Variants in ZNF76 observed in about 807,000 individuals in gnomAD.
The protein encoded by ZNF76 is zinc finger protein 523.
In ZNF76, 66 loss-of-function variants were observed where a neutral mutation model predicts 66.9. The ratio of observed to expected loss-of-function variants is 0.99; its 90% CI spans 0.81 to 1.21. ZNF76 has a LOEUF of 1.21. Among genes scored for constraint, ZNF76 ranks in the 50% most tolerant of loss-of-function variants. The pLI, the probability that ZNF76 is intolerant of heterozygous loss-of-function variation, is 0.00. For missense variants in ZNF76, 729 were observed against 760.3 expected (o/e 0.96, Z 0.48); for synonymous variants, 275 against 296.1 (o/e 0.93, Z 0.73).
At position 35,292,994 on chromosome 6, in the gene ZNF76, G is replaced by A. The variant is rs745536839; in HGVS notation, c.1279G>A (p.Glu427Lys). Residue 427 changes from glutamate (E) to lysine (K), a missense_variant, in exon 11 of 14, where the codon GAA (glutamate) becomes AAA (lysine). Coordinates refer to ENST00000373953, the MANE Select transcript of ZNF76 (RefSeq NM_003427.5). This position sits in a 1 kb window ranked among gnomAD's most constrained non-coding sequence, Gnocchi z 4.7. ...AGCCCAGGTGGCGATGGTGACTGAA[G>A]AAGATGGGGCCCCCCAGGTGGCTCT... is the stretch of plus-strand genomic sequence containing the variant. Reference protein sequence around the residue: ...IPAQVAMVTEEDGAPQVALIT... With the variant: ...IPAQVAMVTEKDGAPQVALIT... 1 of 1,614,184 alleles carries A rather than the reference G, an allele frequency of 6.2e-7. No homozygotes were observed.
At position 35,291,745 on chromosome 6, in the gene ZNF76, A is replaced by G. The variant is rs757199558; in HGVS notation, c.931+8A>G. 8.1e-6 allele frequency: 13 copies of G among 1,604,510 alleles called. No homozygotes were observed. In the African/African-American group the frequency reaches 1.3e-4, roughly 16 times the overall value. ...ACGTGCGCATCCACACAGGTGGGCT[A>G]GCTGGCATGCGAGGACTACCCTCAC... On this transcript the variant is annotated splice_region_variant and intron_variant, in intron 9 of 13. Transcript: ENST00000373953.
At chr6:35,267,154 G>A (rs1419562901) in intron 1 of ZNF76, among the ~76,000 whole-genome samples, 1 of 151,958 alleles carries the variant, frequency 6.6e-6, no homozygotes, top group Non-Finnish European at 1.5e-5. Flanking sequence ...GAGTGCAGTG[G>A]CGCAATCATG....
chr6:35,266,929 T>C (rs1786211723), intron 1 of ZNF76, among the ~76,000 whole-genome samples: 1 of 148,978 alleles, frequency 6.7e-6, no homozygotes, highest in Non-Finnish European at 1.5e-5. Flanking sequence ...GCCTCCTGAG[T>C]AGCTGGGACT....
At chr6:35,264,465 G>A (rs1204140103) in intron 1 of ZNF76, among the ~76,000 whole-genome samples, 2 of 152,156 alleles carry the variant, frequency 1.3e-5, no homozygotes, top group Non-Finnish European at 2.9e-5. Context: ...TTGCAGAGAC[G>A]ATTAAGGAAC....
chr6:35,260,491 C>G (rs1323549324), intron 1 of ZNF76, among the ~76,000 whole-genome samples: 1 of 152,316 alleles, frequency 6.6e-6, no homozygotes, highest in East Asian at 1.9e-4. Context: ...CCACTGGCAT[C>G]TCTCTCTGCG....
At chr6:35,264,240 T>C (rs566555552) in intron 1 of ZNF76, among the ~76,000 whole-genome samples, 1 of 152,264 alleles carries the variant, frequency 6.6e-6, no homozygotes, top group Non-Finnish European at 1.5e-5. Context: ...ATAATGGGCA[T>C]GTCCCTTGAT....
chr6:35,294,705 C>A (rs1790933031), intron 13 of ZNF76, 136 bp downstream of exon 13: 1 of 717,634 alleles, frequency 1.4e-6, no homozygotes, highest in Non-Finnish European at 2.5e-6. Context: ...AGATCCCTTT[C>A]CTCCTGCATC....
chr6:35,268,084 A>T (rs368346100), intron 1 of ZNF76, among the ~76,000 whole-genome samples: 1 of 152,250 alleles, frequency 6.6e-6, no homozygotes, highest in African/African-American at 2.4e-5. Flanking sequence ...TCAGTTAGCT[A>T]TGTAACCTAG....
chr6:35,259,946 G>A (rs1433245531), intron 1 of ZNF76, 105 bp downstream of exon 1: 1 of 152,102 alleles, frequency 6.6e-6, no homozygotes, highest in Non-Finnish European at 1.5e-5. Flanking sequence ...CCTCCCTCCG[G>A]CCCTAGCAGG....
In ZNF76 at chr6:35,294,442, C is replaced by A; in HGVS notation, c.1495-14C>A. ...TACTGCAGGTGGAATGGAAGACCTC[C>A]TTTTGTCTTTCAGGTCACAATCATT... On this transcript the variant is annotated splice_polypyrimidine_tract_variant and intron_variant, in intron 12 of 13. Transcript: ENST00000373953. 6.3e-7 allele frequency: 1 copy of A among 1,585,374 alleles called. No homozygotes were observed. Among genetic ancestry groups the A allele is most frequent in the Non-Finnish European group, 8.7e-7 (1 of 1,154,122 alleles).
At chr6:35,290,743 G>A in intron 7 of ZNF76, 27 bp downstream of exon 7, 1 of 1,611,902 alleles carries the variant, frequency 6.2e-7, no homozygotes, top group South Asian at 1.1e-5. Flanking sequence ...GCTGCTTCCA[G>A]TTGAGGGTGG....
chr6:35,281,294 A>G, intron 2 of ZNF76, 70 bp downstream of exon 2: 1 of 1,479,630 alleles, frequency 6.8e-7, no homozygotes, highest in East Asian at 2.3e-5. Context: ...TCCATTTCTA[A>G]GAGTCCCACC....
chr6:35,281,928 C>G (rs1788824607), intron 2 of ZNF76, among the ~76,000 whole-genome samples: 1 of 148,544 alleles, frequency 6.7e-6, no homozygotes, highest in Non-Finnish European at 1.5e-5. Context: ...AGAGCAAGAT[C>G]CCATCTCTTA....
chr6:35,269,721 C>G (rs1426188668), intron 1 of ZNF76, among the ~76,000 whole-genome samples: 1 of 152,158 alleles, frequency 6.6e-6, no homozygotes, highest in South Asian at 2.1e-4. Flanking sequence ...TCTTCTCAAC[C>G]CAGGAAATAC....
chr6:35,270,164 T>C (rs548795437), intron 1 of ZNF76, among the ~76,000 whole-genome samples: 1 of 152,364 alleles, frequency 6.6e-6, no homozygotes, highest in East Asian at 1.9e-4. Context: ...TGAGACCAAG[T>C]CTTGCTCTGT....
At chr6:35,291,782 C>T (rs1419817485) in intron 9 of ZNF76, 45 bp downstream of exon 9, 1 of 1,593,436 alleles carries the variant, frequency 6.3e-7, no homozygotes, top group African/African-American at 1.3e-5. Context: ...CAGGCCCCAA[C>T]CCCTCTACTG....
rs377634955 is a variant in ZNF76 at position 35,291,670 on chromosome 6, G to A, written c.864G>A (p.Pro288=). The A allele has an allele frequency of 2.4e-4, 386 of 1,613,544 alleles. 2 individuals are homozygous for A. Among genetic ancestry groups the A allele is most frequent in the South Asian group, 1.9e-3 (177 of 91,086 alleles). Reference sequence around the variant, plus strand: ...CAGGCGAGAGGCCCTACACCTGCCCGGAGCCCCACTGTGGCCGCGGCTTCA... The same window carrying A: ...CAGGCGAGAGGCCCTACACCTGCCCAGAGCCCCACTGTGGCCGCGGCTTCA... ...THTGERPYTC[P]EPHCGRGFTS... is the part of the protein sequence containing the mutation. The change falls in exon 9 of 14, where the codon CCG becomes CCA. Residue 288 remains proline, a synonymous_variant. Transcript: ENST00000373953.
intron 1 of ZNF76, among the ~76,000 whole-genome samples, chr6:35,275,273 TCTCTCCCCTATACACAG>T (rs1208755669): frequency 6.6e-6 from 1 of 152,136 alleles, no homozygotes; most frequent in African/African-American, 2.4e-5. Flanking sequence ...TCCCAGTCTG[TCTCTCCCCTATACACAG>T]CTCAGGTCAT....
At chr6:35,285,878 T>C (rs1049157855) in intron 2 of ZNF76, among the ~76,000 whole-genome samples, 1 of 151,798 alleles carries the variant, frequency 6.6e-6, no homozygotes. Context: ...AGTGAAGTTA[T>C]TCCTCCTGTT....
Sources: gnomAD v4.1 joint callset for allele counts (sites outside exome capture counted in the v4.1 genomes callset) on GRCh38, gnomAD v4.1.1 for gene constraint, Gnocchi (gnomAD v3.1) non-coding constraint, MANE v1.5 for transcripts, NCBI Gene and HGNC (gene_info 2026-07-23, HGNC 2026-07-21) for gene names.